Variants in CAMTA1 observed in about 807,000 individuals in gnomAD.
CAMTA1 encodes calmodulin binding transcription activator 1, also known as calmodulin-binding transcription activator 1.
In CAMTA1, 27 loss-of-function variants were observed where a neutral mutation model predicts 170.9. That is an observed-to-expected ratio of 0.16 (90% CI 0.12 to 0.22). CAMTA1 has a LOEUF of 0.22. Among genes scored for constraint, CAMTA1 ranks in the 10% least tolerant of loss-of-function variants. The pLI, the probability that CAMTA1 is intolerant of heterozygous loss-of-function variation, is 1.00. For missense variants in CAMTA1, 1,619 were observed against 2,217.2 expected (o/e 0.73, Z 5.42); for synonymous variants, 833 against 891.5 (o/e 0.93, Z 1.17).
intron 4 of CAMTA1, among the ~76,000 whole-genome samples, chr1:7,181,646 A>G (rs2148890431): frequency 6.6e-6 from 1 of 152,340 alleles, no homozygotes; most frequent in East Asian, 1.9e-4. Flanking sequence ...CTTAGGAATA[A>G]ACTTAGAAAG....
At chr1:7,602,392 A>G (rs1246339933) in intron 6 of CAMTA1, among the ~76,000 whole-genome samples, 1 of 151,960 alleles carries the variant, frequency 6.6e-6, no homozygotes, top group Non-Finnish European at 1.5e-5. Context: ...GGGAGAGTGT[A>G]TGTGTCGAGG....
At chr1:7,499,785 G>A (rs1353347259) in intron 6 of CAMTA1, among the ~76,000 whole-genome samples, 1 of 89,548 alleles carries the variant, frequency 1.1e-5, no homozygotes, top group East Asian at 3.6e-4. Flanking sequence ...GTGTGTCCAT[G>A]AGTGTGTGTG....
chr1:7,478,180 C>T (rs1193183), intron 6 of CAMTA1, among the ~76,000 whole-genome samples: 84,451 of 151,930 alleles, frequency 0.56, 23,822 homozygotes, highest in East Asian at 0.65. Flanking sequence ...GGGGATTGGA[C>T]GGGTGGAATA....
intron 5 of CAMTA1, among the ~76,000 whole-genome samples, chr1:7,393,106 T>C (rs74767686): frequency 0.023 from 3,496 of 152,122 alleles, 124 homozygotes; most frequent in African/African-American, 0.08. Context: ...GCATTTAGTA[T>C]TGTTGTTTTT....
rs1235701988 is a variant in CAMTA1, at chr1:6,957,987, T to C, written c.234+132777T>C. Among the ~76,000 whole-genome samples, 6 of 152,224 alleles carry C rather than the reference T, an allele frequency of 3.9e-5. No homozygotes were observed. In the East Asian group the frequency reaches 1.2e-3, roughly 29 times the overall value. On this transcript the variant is annotated intron_variant, in intron 3 of 22. Coordinates refer to ENST00000303635, the MANE Select transcript of CAMTA1 (RefSeq NM_015215.4). ...TCTGTTCCCTCCCGCCTGTCAGCAC[T>C]GGACTCGGCCTGCACCTCAGATGTC... is the stretch of plus-strand genomic sequence containing the variant.
chr1:7,386,895 G>A (rs1190613939), intron 5 of CAMTA1, among the ~76,000 whole-genome samples: 1 of 152,136 alleles, frequency 6.6e-6, no homozygotes, highest in African/African-American at 2.4e-5. Context: ...TCCATCTCAC[G>A]GCAGTCTCCG....
At chr1:7,241,387 G>C (rs1056118325) in intron 4 of CAMTA1, among the ~76,000 whole-genome samples, 5 of 152,198 alleles carry the variant, frequency 3.3e-5, no homozygotes, top group African/African-American at 1.2e-4. Flanking sequence ...TTGATTTCTA[G>C]ATTCAGTACA....
intron 4 of CAMTA1, among the ~76,000 whole-genome samples, chr1:7,149,434 G>T (rs1222257823): frequency 1.3e-5 from 2 of 152,200 alleles, no homozygotes; most frequent in Non-Finnish European, 2.9e-5. Flanking sequence ...AGAAAAAAAT[G>T]TGTGTCCCTC....
intron 3 of CAMTA1, among the ~76,000 whole-genome samples, chr1:7,086,421 T>G (rs1640752327): frequency 6.6e-6 from 1 of 152,166 alleles, no homozygotes; most frequent in South Asian, 2.1e-4. Context: ...CTCCTTCTTC[T>G]TTTTATTTTT....
At chr1:7,688,524 T>C (rs767971265) in intron 11 of CAMTA1, among the ~76,000 whole-genome samples, 2 of 152,126 alleles carry the variant, frequency 1.3e-5, no homozygotes, top group Non-Finnish European at 2.9e-5. Flanking sequence ...CCAGTCTGTG[T>C]GTGCAGCTGC....
intron 3 of CAMTA1, among the ~76,000 whole-genome samples, chr1:6,886,700 T>C (rs577471740): frequency 6.6e-6 from 1 of 152,352 alleles, no homozygotes; most frequent in South Asian, 2.1e-4. Flanking sequence ...CTCCACACCC[T>C]ACCACATGCT....
chr1:7,264,660 C>G (rs1412865848), intron 5 of CAMTA1, among the ~76,000 whole-genome samples: 1 of 152,140 alleles, frequency 6.6e-6, no homozygotes, highest in East Asian at 1.9e-4. Flanking sequence ...TATGTTACTT[C>G]TAGAAAATGC....
At chr1:7,227,733 G>T (rs903446967) in intron 4 of CAMTA1, among the ~76,000 whole-genome samples, 2 of 152,202 alleles carry the variant, frequency 1.3e-5, no homozygotes, top group Non-Finnish European at 2.9e-5. Flanking sequence ...ATGACAAGGG[G>T]CATCCTGAGG....
chr1:7,072,159 A>G (rs1313587937), intron 3 of CAMTA1, among the ~76,000 whole-genome samples: 3 of 152,198 alleles, frequency 2.0e-5, no homozygotes, highest in African/African-American at 7.2e-5. Context: ...CTGTCATGGC[A>G]ATATGTCCTC....
intron 5 of CAMTA1, among the ~76,000 whole-genome samples, chr1:7,330,004 T>G (rs904796456): frequency 1.3e-5 from 2 of 152,224 alleles, no homozygotes; most frequent in Admixed American, 1.3e-4. Flanking sequence ...AGGCTGTTCT[T>G]GGGGCACCTC....
intron 3 of CAMTA1, among the ~76,000 whole-genome samples, chr1:7,006,114 A>G (rs1326086987): frequency 6.6e-6 from 1 of 152,182 alleles, no homozygotes; most frequent in East Asian, 1.9e-4. Context: ...GATGTGGAGG[A>G]AAATGGGAAG....
chr1:6,953,410 T>TC (rs1304174098), intron 3 of CAMTA1, among the ~76,000 whole-genome samples: 1 of 152,198 alleles, frequency 6.6e-6, no homozygotes, highest in Non-Finnish European at 1.5e-5. Context: ...GCCGCGTGAG[T>TC]CCCCTGGTAG....
chr1:7,514,980 A>G (rs2094260345), intron 6 of CAMTA1, among the ~76,000 whole-genome samples: 1 of 151,894 alleles, frequency 6.6e-6, no homozygotes, highest in Non-Finnish European at 1.5e-5. Context: ...GGCTCCCTCC[A>G]CCCAGGATCA....
intron 3 of CAMTA1, among the ~76,000 whole-genome samples, chr1:7,084,830 G>A (rs999499532): frequency 2.6e-5 from 4 of 152,124 alleles, no homozygotes; most frequent in Admixed American, 6.5e-5. Context: ...AAACACACAG[G>A]GACTTAGTAG....
Sources: gnomAD v4.1 joint callset for allele counts (sites outside exome capture counted in the v4.1 genomes callset) on GRCh38, gnomAD v4.1.1 for gene constraint, MANE v1.5 for transcripts, NCBI Gene and HGNC (gene_info 2026-07-23, HGNC 2026-07-21) for gene names.